The following CTNND2 variants were observed in gnomAD, a reference collection of about 807,000 sequenced individuals.
The protein encoded by CTNND2 is catenin delta 2.
Under a neutral mutation model 144.4 loss-of-function variants are expected in CTNND2, and 22 were observed. That is an observed-to-expected ratio of 0.15 (90% CI 0.11 to 0.22). The LOEUF (loss-of-function observed/expected upper bound fraction) is 0.22, where lower values mean the gene tolerates loss of function less well. Ranked by LOEUF, CTNND2 falls within the 10% of genes least tolerant of loss-of-function variation. The pLI, the probability that CTNND2 is intolerant of heterozygous loss-of-function variation, is 1.00. For missense variants in CTNND2, 1,353 were observed against 1,618.8 expected, an observed-to-expected ratio of 0.84 and a Z score of 2.82; for synonymous variants, 751 against 695.6, an observed-to-expected ratio of 1.08 and a Z score of -1.25.
intron 9 of CTNND2, among the ~76,000 whole-genome samples, chr5:11,314,879 T>C (rs888806083): frequency 1.3e-5 from 2 of 152,066 alleles, no homozygotes; most frequent in African/African-American, 4.8e-5. Flanking sequence ...CCAGGGAAAA[T>C]AGAGAGTGCC....
At chr5:11,462,032 C>A (rs1766267061) in intron 3 of CTNND2, among the ~76,000 whole-genome samples, 1 of 152,058 alleles carries the variant, frequency 6.6e-6, no homozygotes, top group Admixed American at 6.5e-5. Context: ...AGGTGATCAA[C>A]ACCCCAGGTG....
intron 1 of CTNND2, among the ~76,000 whole-genome samples, chr5:11,843,966 T>C (rs949182870): frequency 6.6e-6 from 1 of 152,224 alleles, no homozygotes; most frequent in Non-Finnish European, 1.5e-5. Flanking sequence ...CCAAAGTGTT[T>C]CAAACACTGC....
At chr5:11,374,978 G>A (rs1269853785) in intron 7 of CTNND2, among the ~76,000 whole-genome samples, 1 of 151,950 alleles carries the variant, frequency 6.6e-6, no homozygotes, top group African/African-American at 2.4e-5. Flanking sequence ...GTATGAACAG[G>A]AATAAGGCTT....
intron 3 of CTNND2, among the ~76,000 whole-genome samples, chr5:11,527,673 C>T (rs946764930): frequency 6.6e-6 from 1 of 152,198 alleles, no homozygotes; most frequent in Non-Finnish European, 1.5e-5. Flanking sequence ...AGAGCTTGGT[C>T]ATAGCATGAC....
At chr5:11,807,210 A>T (rs1792051226) in intron 1 of CTNND2, among the ~76,000 whole-genome samples, 1 of 152,162 alleles carries the variant, frequency 6.6e-6, no homozygotes, top group Admixed American at 6.5e-5. Context: ...TACTGCTGGC[A>T]ACTTTAATAC....
chr5:11,429,872 T>C (rs1763119667), intron 3 of CTNND2, among the ~76,000 whole-genome samples: 3 of 152,182 alleles, frequency 2.0e-5, no homozygotes, highest in Non-Finnish European at 4.4e-5. Flanking sequence ...TCTTTTCCTA[T>C]TCAGGAAGAA....
chr5:11,743,049 C>A (rs10462583), intron 1 of CTNND2, among the ~76,000 whole-genome samples: 133,318 of 152,222 alleles, frequency 0.88, 60,601 homozygotes, highest in South Asian at 0.99. Context: ...AAAGAGAAAT[C>A]TAAAGTTATC....
At chr5:11,483,930 A>G (rs1394073843) in intron 3 of CTNND2, among the ~76,000 whole-genome samples, 1 of 152,232 alleles carries the variant, frequency 6.6e-6, no homozygotes, top group Admixed American at 6.5e-5. Flanking sequence ...GGGATAGACA[A>G]GTGACTCAGG....
chr5:11,107,289 C>T (rs1344452226), intron 14 of CTNND2, among the ~76,000 whole-genome samples: 1 of 152,174 alleles, frequency 6.6e-6, no homozygotes, highest in Non-Finnish European at 1.5e-5. Context: ...TTAATATCTA[C>T]TTTGTCTGAA....
rs61755673 is a variant in CTNND2, at chr5:11,106,180, A to G, written c.2463+4678T>C. Among the ~76,000 whole-genome samples, 724 of 152,310 alleles carry G rather than the reference A, an allele frequency of 4.8e-3. 7 individuals are homozygous for G. The highest frequency in any genetic ancestry group is 0.016 in the African/African-American group (682 of 41,570). ...CGTATTGAGAGTCTTAAAAGCATGC[A>G]TTTGGTCTAGCTATTTCACTTCTAA... On this transcript the variant is annotated intron_variant, in intron 14 of 21. Transcript: ENST00000304623.
chr5:11,861,591 G>A (rs1795507344), intron 1 of CTNND2, among the ~76,000 whole-genome samples: 1 of 152,172 alleles, frequency 6.6e-6, no homozygotes, highest in Non-Finnish European at 1.5e-5. Context: ...CCCTCTGCAA[G>A]GGCCTGCTAT....
intron 9 of CTNND2, among the ~76,000 whole-genome samples, chr5:11,269,595 G>A (rs1168170828): frequency 6.6e-6 from 1 of 152,156 alleles, no homozygotes. Flanking sequence ...AGATTGCTAT[G>A]TTTAATATAA....
In CTNND2 at chr5:11,494,769, T is replaced by A. The variant is rs1228414726; in HGVS notation, c.287+70175A>T. ...AAGATCCACTTCAGAAATGGAGAAA[T>A]GTTCCATGCTTTATTGAGGTCAGCC... is the stretch of plus-strand genomic sequence containing the variant. On this transcript the variant is annotated intron_variant, in intron 3 of 21. Transcript: ENST00000304623. Among the ~76,000 whole-genome samples the A allele has an allele frequency of 2.6e-5, 4 of 152,176 alleles. No homozygotes were observed. In the East Asian group the frequency reaches 7.7e-4, roughly 29 times the overall value.
At chr5:11,339,851 C>A (rs1754066030) in intron 9 of CTNND2, among the ~76,000 whole-genome samples, 1 of 152,164 alleles carries the variant, frequency 6.6e-6, no homozygotes, top group Non-Finnish European at 1.5e-5. Flanking sequence ...GAAATAAATT[C>A]TTTTCATATC....
chr5:11,056,150 G>T (rs1398197972), intron 16 of CTNND2, among the ~76,000 whole-genome samples: 3 of 152,182 alleles, frequency 2.0e-5, no homozygotes, highest in Non-Finnish European at 4.4e-5. Context: ...TTTAAACAAT[G>T]ACTTTTGTTT....
At chr5:11,835,644 G>T (rs546455538) in intron 1 of CTNND2, among the ~76,000 whole-genome samples, 1 of 152,230 alleles carries the variant, frequency 6.6e-6, no homozygotes, top group African/African-American at 2.4e-5. Context: ...TAGCTGCTTA[G>T]TATGTAACGA....
intron 11 of CTNND2, among the ~76,000 whole-genome samples, chr5:11,164,237 T>C (rs1403099788): frequency 6.6e-6 from 1 of 152,150 alleles, no homozygotes; most frequent in Non-Finnish European, 1.5e-5. Flanking sequence ...ACCTTAGTCA[T>C]ACCTGCAAAG....
intron 3 of CTNND2, among the ~76,000 whole-genome samples, chr5:11,455,131 T>C (rs1765624621): frequency 6.6e-6 from 1 of 151,638 alleles, no homozygotes; most frequent in South Asian, 2.1e-4. Flanking sequence ...TTAGGAAGAA[T>C]GCATAGCACT....
At chr5:11,160,110 A>T (rs948024601) in intron 11 of CTNND2, among the ~76,000 whole-genome samples, 1 of 152,214 alleles carries the variant, frequency 6.6e-6, no homozygotes, top group African/African-American at 2.4e-5. Context: ...AAGAGATGTG[A>T]AAGTTATTTG....
Sources: gnomAD v4.1 joint callset for allele counts (sites outside exome capture counted in the v4.1 genomes callset) on GRCh38, gnomAD v4.1.1 for gene constraint, MANE v1.5 for transcripts, NCBI Gene and HGNC (gene_info 2026-07-23, HGNC 2026-07-21) for gene names.